Variants in YPEL3 observed in about 807,000 individuals in gnomAD.
YPEL3 encodes yippee like 3, also known as protein yippee-like 3.
A neutral mutation model predicts 17.5 loss-of-function variants in YPEL3; 5 were observed. That is an observed-to-expected ratio of 0.29 (90% CI 0.15 to 0.60). YPEL3 has a LOEUF of 0.60. Among genes scored for constraint, YPEL3 ranks in the 20% least tolerant of loss-of-function variants. YPEL3 has a pLI of 0.87. For missense variants in YPEL3, 155 were observed against 211.4 expected (o/e 0.73, Z 1.65); for synonymous variants, 87 against 87.2 (o/e 1.00, Z 0.01).
intron 3 of YPEL3, among the ~76,000 whole-genome samples, chr16:30,093,124 A>T (rs923377271): frequency 6.6e-6 from 1 of 152,246 alleles, no homozygotes; most frequent in Admixed American, 6.5e-5. Flanking sequence ...TAATAAAAAT[A>T]ACTTTAAAGT....
intron 3 of YPEL3, chr16:30,094,291 C>T (rs2072769944): frequency 5.9e-6 from 1 of 169,160 alleles, no homozygotes; most frequent in Non-Finnish European, 1.3e-5. Context: ...TTCTGATACT[C>T]TAAATGACAA....
Position 30,095,192 on chromosome 16 carries a change from G to C in YPEL3, c.232-46C>G, listed in dbSNP as rs374087469. Reference sequence around the variant, plus strand: ...AAGAGAGGAGGGGGTCAGGGCTGCCGGTGGGGAGCTGCCAGGCAGCCCCTA... The same window carrying C: ...AAGAGAGGAGGGGGTCAGGGCTGCCCGTGGGGAGCTGCCAGGCAGCCCCTA... On this transcript the variant is annotated intron_variant, in intron 1 of 3. Transcript: ENST00000398841. This position sits in a 1 kb window ranked among gnomAD's most constrained non-coding sequence, Gnocchi z 5.4. 1.2e-6 allele frequency: 2 copies of C among 1,613,884 alleles called. No individual in the cohort carries two copies. Among genetic ancestry groups the C allele is most frequent in the Non-Finnish European group, 1.7e-6 (2 of 1,179,792 alleles).
At chr16:30,094,670 G>T (rs1372334411) in intron 3 of YPEL3, 119 bp downstream of exon 3, 6 of 928,476 alleles carry the variant, frequency 6.5e-6, no homozygotes, top group Non-Finnish European at 1.1e-5. Context: ...GGTCAGGGAT[G>T]CTGACTTGTG....
At chr16:30,093,754 T>C in intron 3 of YPEL3, 1 of 151,882 alleles carries the variant, frequency 6.6e-6, no homozygotes, top group Non-Finnish European at 1.5e-5. Flanking sequence ...TTTTTTTTTT[T>C]TTTTTTTGTA....
chr16:30,093,037 A>C (rs919362221), intron 3 of YPEL3, among the ~76,000 whole-genome samples: 4 of 152,364 alleles, frequency 2.6e-5, no homozygotes, highest in Non-Finnish European at 5.9e-5. Flanking sequence ...AAGATTTCAC[A>C]GTTCAGGGTT....
chr16:30,095,400 G>GGA lies in YPEL3; in HGVS notation c.81_82dup (p.Pro28LeufsTer67). 6.2e-7 allele frequency: 1 copy of GGA among 1,612,134 alleles called. No homozygotes were observed. The highest frequency in any genetic ancestry group is 8.5e-7 in the Non-Finnish European group (1 of 1,179,036). ...GGCCGGGGGCAGTGGCCCCACGCGG[G>GGA]GAGCGGCCCACGGGGAGCAGAGGGA... On this transcript the variant is annotated frameshift_variant, in exon 1 of 4. Transcript: ENST00000398841. LOFTEE classifies it high-confidence loss of function. The surrounding 1 kb of genome is among the most constrained non-coding windows in gnomAD (Gnocchi z 5.4).
At position 30,095,397 on chromosome 16, in the gene YPEL3, C is replaced by A. The variant is rs2072781759; in HGVS notation, c.86G>T (p.Arg29Leu). ...GGGGGCCGGGGGCAGTGGCCCCACG[C>A]GGGGAGCGGCCCACGGGGAGCAGAG... ...GSLCSPWAAPRVGPLPPAPAM... is the reference protein window; with the variant it reads ...GSLCSPWAAPLVGPLPPAPAM... Residue 29 changes from arginine (R) to leucine (L), a missense_variant, in exon 1 of 4, where the codon CGC becomes CTC. Arg to Leu is a moderately radical substitution (Grantham distance 102). Around this residue, in one of 3 missense-constraint regions of YPEL3, gnomAD observed 58 missense variants for 60.0 expected, o/e 0.97. Coordinates refer to ENST00000398841, the MANE Select transcript of YPEL3 (RefSeq NM_031477.5). The surrounding 1 kb of genome is among the most constrained non-coding windows in gnomAD (Gnocchi z 5.4). 6.2e-7 allele frequency: 1 copy of A among 1,612,006 alleles called. No individual in the cohort carries two copies. The highest frequency in any genetic ancestry group is 8.5e-7 in the Non-Finnish European group (1 of 1,178,984).
chr16:30,092,698 G>A lies in YPEL3; in HGVS notation c.*12C>T. 3 of 1,613,786 alleles carry A rather than the reference G, an allele frequency of 1.9e-6. No individual in the cohort carries two copies. Among genetic ancestry groups the A allele is most frequent in the Non-Finnish European group, 2.5e-6 (3 of 1,179,802 alleles). ...GGCCGGGCTGGAGCCACATGCGTCG[G>A]GGGAGCGGGGGTCAGTCCCAGCCGT... On this transcript the variant is annotated 3_prime_UTR_variant, in exon 4 of 4. Transcript: ENST00000398841.
At position 30,094,800 on chromosome 16, in the gene YPEL3, C is replaced by T; in HGVS notation, c.373G>A (p.Gly125Ser). Reference protein sequence around the residue: ...IHCENCKTTLGWKYEQAFESS... With the variant: ...IHCENCKTTLSWKYEQAFESS... ...GGTGGGTGACTCACATATTTCCAGCCCAAAGTGGTCTTGCAGTTCTCGCAG... is the reference window on the plus strand; with the variant it reads ...GGTGGGTGACTCACATATTTCCAGCTCAAAGTGGTCTTGCAGTTCTCGCAG... The change falls in exon 3 of 4, where the codon GGC becomes AGC. Residue 125 changes from glycine (G) to serine (S), a missense_variant. Coordinates refer to ENST00000398841, the MANE Select transcript of YPEL3 (RefSeq NM_031477.5). The T allele has an allele frequency of 6.2e-7, 1 of 1,614,122 alleles. No homozygotes were observed. The highest frequency in any genetic ancestry group is 8.5e-7 in the Non-Finnish European group (1 of 1,179,994).
intron 3 of YPEL3, among the ~76,000 whole-genome samples, chr16:30,093,541 C>A (rs1463931809): frequency 6.6e-6 from 1 of 151,854 alleles, no homozygotes; most frequent in Admixed American, 6.6e-5. Context: ...GGATTACAGG[C>A]GTGAGCCACC....
Position 30,092,447 on chromosome 16 carries a change from G to C in YPEL3, c.*263C>G. 2.0e-6 allele frequency: 1 copy of C among 504,792 alleles called. No individual in the cohort carries two copies. 31.3% of individuals were successfully genotyped at this position (504,792 alleles called of 1,614,324 possible). A position where few individuals can be genotyped will look rare whatever the true frequency, so the allele number is the denominator to read the frequency against. On this transcript the variant is annotated 3_prime_UTR_variant, in exon 4 of 4. Transcript: ENST00000398841. The stretch of plus-strand genomic sequence containing the variant: ...ACTGGGACCAGGAGAGCAGAACACA[G>C]GCCATAACTATAGGGCAGGTGGGGC...
chr16:30,092,707 G>T lies in YPEL3; in HGVS notation c.*3C>A. On this transcript the variant is annotated 3_prime_UTR_variant, in exon 4 of 4. Coordinates refer to ENST00000398841, the MANE Select transcript of YPEL3 (RefSeq NM_031477.5). The stretch of plus-strand genomic sequence containing the variant: ...GGAGCCACATGCGTCGGGGGAGCGG[G>T]GGTCAGTCCCAGCCGTTGTCTTTGA... 1 of 1,613,990 alleles carries T rather than the reference G, an allele frequency of 6.2e-7. No individual in the cohort carries two copies. The highest frequency in any genetic ancestry group is 8.5e-7 in the Non-Finnish European group (1 of 1,179,918).
chr16:30,093,759 T>G (rs2072764009), intron 3 of YPEL3: 1 of 151,430 alleles, frequency 6.6e-6, no homozygotes, highest in South Asian at 2.1e-4. Flanking sequence ...TTTTTTTTTT[T>G]TTGTATTTTT....
Position 30,095,036 on chromosome 16 carries a change from C to G in YPEL3, c.275+67G>C. On this transcript the variant is annotated intron_variant, in intron 2 of 3. Coordinates refer to ENST00000398841, the MANE Select transcript of YPEL3 (RefSeq NM_031477.5). This position sits in a 1 kb window ranked among gnomAD's most constrained non-coding sequence, Gnocchi z 5.4. ...CACCGGGGAACTCTGGGAGTCTCAG[C>G]AGGATGCCAGGGGTCACAGGTCACA... The G allele has an allele frequency of 6.2e-7, 1 of 1,609,412 alleles. No homozygotes were observed. Among genetic ancestry groups the G allele is most frequent in the South Asian group, 1.1e-5 (1 of 90,888 alleles).
Position 30,095,024 on chromosome 16 carries a change from T to C in YPEL3, c.275+79A>G. Reference sequence around the variant, plus strand: ...ATTTCCTGCCTGCACCGGGGAACTCTGGGAGTCTCAGCAGGATGCCAGGGG... The same window carrying C: ...ATTTCCTGCCTGCACCGGGGAACTCCGGGAGTCTCAGCAGGATGCCAGGGG... On this transcript the variant is annotated intron_variant, in intron 2 of 3. Transcript: ENST00000398841. The surrounding 1 kb of genome is among the most constrained non-coding windows in gnomAD (Gnocchi z 5.4). The C allele has an allele frequency of 1.2e-6, 2 of 1,606,216 alleles. No individual in the cohort carries two copies. The highest frequency in any genetic ancestry group is 2.2e-5 in the South Asian group (2 of 90,792).
Position 30,095,094 on chromosome 16 carries a change from G to C in YPEL3, c.275+9C>G. 1.2e-6 allele frequency: 2 copies of C among 1,614,116 alleles called. No homozygotes were observed. The highest frequency in any genetic ancestry group is 2.2e-5 in the East Asian group (1 of 44,884). ...TCAGGGAAAGCAAGAAGGGAGGCCA[G>C]ATACTCACACTGAGTTGAAGAGGTA... On this transcript the variant is annotated intron_variant, in intron 2 of 3. Coordinates refer to ENST00000398841, the MANE Select transcript of YPEL3 (RefSeq NM_031477.5). The surrounding 1 kb of genome is among the most constrained non-coding windows in gnomAD (Gnocchi z 5.4).
At position 30,092,604 on chromosome 16, in the gene YPEL3, C is replaced by T. The variant is rs1327035125; in HGVS notation, c.*106G>A. On this transcript the variant is annotated 3_prime_UTR_variant, in exon 4 of 4. Coordinates refer to ENST00000398841, the MANE Select transcript of YPEL3 (RefSeq NM_031477.5). Reference sequence around the variant, plus strand: ...TATATACAGGAGCTAGATCCGTCCTCTGCAGGGGCTCTGAGGGTCCAGAGC... The same window carrying T: ...TATATACAGGAGCTAGATCCGTCCTTTGCAGGGGCTCTGAGGGTCCAGAGC... 2.9e-6 allele frequency: 3 copies of T among 1,020,698 alleles called. No homozygotes were observed. Among genetic ancestry groups the T allele is most frequent in the Non-Finnish European group, 4.6e-6 (3 of 658,096 alleles). 63.2% of individuals were successfully genotyped at this position (1,020,698 alleles called of 1,614,324 possible). A position where few individuals can be genotyped will look rare whatever the true frequency, so the allele number is the denominator to read the frequency against.
rs1446285790 is a variant in YPEL3 at position 30,094,829 on chromosome 16, A to C, written c.344T>G (p.Ile115Ser). The C allele has an allele frequency of 6.2e-7, 1 of 1,614,094 alleles. No individual in the cohort carries two copies. Among genetic ancestry groups the C allele is most frequent in the East Asian group, 2.2e-5 (1 of 44,880 alleles). ...LLTGLHAVAD[I>S]HCENCKTTLG... ...AGTGGTCTTGCAGTTCTCGCAGTGG[A>C]TGTCGGCGACAGCATGGAGGCCGGT... Residue 115 changes from isoleucine to serine, a missense_variant, in exon 3 of 4, where the codon ATC becomes AGC. Ile to Ser is a moderately radical substitution (Grantham distance 142). This residue lies in a region of YPEL3 where 74 missense variants were observed against 134.9 expected (regional missense o/e 0.55). Transcript: ENST00000398841.
In YPEL3 at chr16:30,096,034, G is replaced by A. The variant is rs1252375815; in HGVS notation, c.-552C>T. 1.3e-5 allele frequency: 2 copies of A among 148,360 alleles called. No homozygotes were observed. Among genetic ancestry groups the A allele is most frequent in the African/African-American group, 5.0e-5 (2 of 40,372 alleles). The allele number at this position is 148,360 out of a possible 1,614,324, so 9.2% of individuals were successfully genotyped here. On this transcript the variant is annotated 5_prime_UTR_variant, in exon 1 of 4. Coordinates refer to ENST00000398841, the MANE Select transcript of YPEL3 (RefSeq NM_031477.5). ...GTGGGGGCGGGCGCCGGGGGAGGGG[G>A]CAGTCCTCGCGGGCTGGGCAGGGGC...
Sources: gnomAD v4.1 joint callset for allele counts (sites outside exome capture counted in the v4.1 genomes callset) on GRCh38, gnomAD v4.1.1 for gene constraint, gnomAD v4.1.1 regional missense constraint, Gnocchi (gnomAD v3.1) non-coding constraint, MANE v1.5 for transcripts, NCBI Gene and HGNC (gene_info 2026-07-23, HGNC 2026-07-21) for gene names.